The following SH2B2 variants were observed in gnomAD, a reference collection of about 807,000 sequenced individuals.
SH2B2 encodes the protein SH2B adapter protein 2.
Under a neutral mutation model 35.7 loss-of-function variants are expected in SH2B2, and 37 were observed. The observed-to-expected ratio is 1.04, with a 90% CI of 0.80 to 1.36. The LOEUF is 1.36. Among genes scored for constraint, SH2B2 ranks in the 40% most tolerant of loss-of-function variants. The pLI is 0.00. For synonymous variants in SH2B2, 383 were observed against 376.4 expected (o/e 1.02, Z -0.20); for missense variants, 852 against 817.7 (o/e 1.04, Z -0.51).
At position 102,297,854 on chromosome 7, in the gene SH2B2, A is replaced by G. The variant is rs1792984502; in HGVS notation, c.-29-2668A>G. On this transcript the variant is annotated intron_variant, in intron 1 of 8. Coordinates refer to ENST00000444095, the MANE Select transcript of SH2B2 (RefSeq NM_001359228.2). The surrounding 1 kb of genome is among the most constrained non-coding windows in gnomAD (Gnocchi z 4.3). ...TAAATATATGATATGACAGCCGGCAATAAGGATAATGGTGAAAATAGGCAG... is the reference window on the plus strand; with the variant it reads ...TAAATATATGATATGACAGCCGGCAGTAAGGATAATGGTGAAAATAGGCAG... 6.6e-6 allele frequency among the ~76,000 whole-genome samples: 1 copy of G among 152,200 alleles called. No homozygotes were observed. Among genetic ancestry groups the G allele is most frequent in the South Asian group, 2.1e-4 (1 of 4,828 alleles).
In SH2B2 at chr7:102,300,613, G is replaced by C. The variant is rs782550974; in HGVS notation, c.63G>C (p.Pro21=). The C allele has an allele frequency of 4.2e-5, 65 of 1,551,072 alleles. 2 individuals carry two copies. In the South Asian group the frequency reaches 7.1e-4, roughly 17 times the overall value. ...CGGTCCCAGTCCCGGTCCCGGTCCC[G>C]GACTGGCGGCAGTTCTGCGAGCTGC... ...AAPVPVPVPV[P]DWRQFCELHA... Residue 21 remains proline (P), a synonymous_variant, in exon 2 of 9, where the codon CCG becomes CCC. Coordinates refer to ENST00000444095, the MANE Select transcript of SH2B2 (RefSeq NM_001359228.2).
At chr7:102,301,351 A>G (rs1336574162) in intron 2 of SH2B2, 72 bp downstream of exon 2, 10 of 1,499,630 alleles carry the variant, frequency 6.7e-6, no homozygotes, top group Non-Finnish European at 8.0e-6. Flanking sequence ...TGAGGGTGCC[A>G]GGGACTGCCT....
At chr7:102,304,802 G>T (rs1387362520) in intron 2 of SH2B2, among the ~76,000 whole-genome samples, 1 of 152,224 alleles carries the variant, frequency 6.6e-6, no homozygotes. Context: ...GCCACACACC[G>T]GGGTTAGCCA....
chr7:102,308,573 G>A (rs1290445090), intron 3 of SH2B2, among the ~76,000 whole-genome samples: 1 of 152,236 alleles, frequency 6.6e-6, no homozygotes, highest in African/African-American at 2.4e-5. Flanking sequence ...AGATCAGTGG[G>A]GTGGGACATA....
chr7:102,316,747 A>G lies in SH2B2; in HGVS notation c.1187-440A>G, dbSNP rs557934219. ...AAAAATAAAAAATAAGGCTGGGCGC[A>G]ATGGCTTACACCTATAATCGCAGCA... On this transcript the variant is annotated intron_variant, in intron 6 of 8. Transcript: ENST00000444095. 7.9e-5 allele frequency among the ~76,000 whole-genome samples: 12 copies of G among 152,242 alleles called. No homozygotes were observed. The East Asian group carries it at 2.1e-3, about 27-fold the overall frequency.
chr7:102,286,458 G>A (rs1792448735), upstream of SH2B2, among the ~76,000 whole-genome samples: 3 of 152,138 alleles, frequency 2.0e-5, no homozygotes, highest in African/African-American at 7.2e-5. Flanking sequence ...CCATACACCC[G>A]CCACGCAGGA....
At chr7:102,320,301 G>A (rs371386728) in intron 7 of SH2B2, 30 bp from the exon 8 acceptor site, 281 of 1,587,570 alleles carry the variant, frequency 1.8e-4, no homozygotes, top group Non-Finnish European at 2.3e-4. Flanking sequence ...CCCCGGACCT[G>A]CCCCTGACCA....
chr7:102,319,834 G>A (rs782708657), intron 7 of SH2B2, among the ~76,000 whole-genome samples: 1 of 151,840 alleles, frequency 6.6e-6, no homozygotes, highest in African/African-American at 2.4e-5. Flanking sequence ...CACAGCGTGC[G>A]GTCACTCCTC....
intron 2 of SH2B2, among the ~76,000 whole-genome samples, chr7:102,302,157 A>G (rs1163781272): frequency 6.6e-6 from 1 of 152,226 alleles, no homozygotes; most frequent in Non-Finnish European, 1.5e-5. Context: ...CACTGTGCCC[A>G]GCCCAGGGCA....
chr7:102,308,908 T>C lies in SH2B2; in HGVS notation c.923+2T>C, dbSNP rs782754445. The C allele has an allele frequency of 6.2e-7, 1 of 1,612,458 alleles. No homozygotes were observed. The highest frequency in any genetic ancestry group is 8.5e-7 in the Non-Finnish European group (1 of 1,178,946). On this transcript the variant is annotated splice_donor_variant, in intron 4 of 8. Transcript: ENST00000444095. LOFTEE classifies it high-confidence loss of function. ...CATCCAGGGCTGCGTGGACCCCGGGTGAGTGTCCAAGTGGCCCGAAGATGG... is the reference window on the plus strand; with the variant it reads ...CATCCAGGGCTGCGTGGACCCCGGGCGAGTGTCCAAGTGGCCCGAAGATGG...
chr7:102,286,807 CTCGCGGCGGGGGCGGGGGCGGGG>C (rs1792468944), upstream of SH2B2: 1 of 79,826 alleles, frequency 1.3e-5, no homozygotes, highest in Admixed American at 1.2e-4. Context: ...GGGGCCGGGG[CTCGCGGCGGGGGCGGGGGCGGGG>C]CGGGGCCGGG....
At chr7:102,312,575 C>T (rs1402448328) in intron 4 of SH2B2, among the ~76,000 whole-genome samples, 1 of 152,198 alleles carries the variant, frequency 6.6e-6, no homozygotes, top group Non-Finnish European at 1.5e-5. Context: ...GGACAGAACC[C>T]TATCTTGAAT....
At chr7:102,301,364 G>C in intron 2 of SH2B2, 85 bp downstream of exon 2, 3 of 1,455,904 alleles carry the variant, frequency 2.1e-6, no homozygotes, top group Non-Finnish European at 2.7e-6. Flanking sequence ...GACTGCCTTT[G>C]GGGACCGCGT....
intron 1 of SH2B2, among the ~76,000 whole-genome samples, chr7:102,293,545 G>A (rs966775679): frequency 6.6e-6 from 1 of 151,634 alleles, no homozygotes. Flanking sequence ...AGGTGGGGGG[G>A]TGTAATGGAT....
intron 1 of SH2B2, among the ~76,000 whole-genome samples, chr7:102,295,467 A>C (rs1402318638): frequency 6.6e-6 from 1 of 152,042 alleles, no homozygotes; most frequent in East Asian, 1.9e-4. Flanking sequence ...TGGGCTCGTG[A>C]CCTTCCCTGG....
At position 102,286,951 on chromosome 7, in the gene SH2B2, C is replaced by G. The variant is rs1677575546; in HGVS notation, c.-173C>G. On this transcript the variant is annotated 5_prime_UTR_variant, in exon 1 of 9. Transcript: ENST00000444095. Reference sequence around the variant, plus strand: ...GGGGACGCGCCGGGACCGCGAGGAGCGCAGGAGCCTTCGAGGCGGTGAACG... The same window carrying G: ...GGGGACGCGCCGGGACCGCGAGGAGGGCAGGAGCCTTCGAGGCGGTGAACG... 6.7e-6 allele frequency: 1 copy of G among 149,238 alleles called. No individual in the cohort carries two copies. Among genetic ancestry groups the G allele is most frequent in the Admixed American group, 6.7e-5 (1 of 15,024 alleles). 9.2% of individuals were successfully genotyped at this position (149,238 alleles called of 1,614,324 possible).
At chr7:102,296,588 T>C (rs1792927622) in intron 1 of SH2B2, among the ~76,000 whole-genome samples, 1 of 152,238 alleles carries the variant, frequency 6.6e-6, no homozygotes, top group African/African-American at 2.4e-5. Flanking sequence ...GGTGATGGGC[T>C]GGGCCCAAGC....
chr7:102,300,059 A>T (rs1055475233), intron 1 of SH2B2, among the ~76,000 whole-genome samples: 1 of 152,220 alleles, frequency 6.6e-6, no homozygotes, highest in South Asian at 2.1e-4. Context: ...CTAGGACTAC[A>T]GGCGTGTGCC....
chr7:102,287,276 G>T (rs1006166412), intron 1 of SH2B2, among the ~76,000 whole-genome samples, 182 bp downstream of exon 1: 39 of 152,052 alleles, frequency 2.6e-4, no homozygotes, highest in Non-Finnish European at 4.0e-4. Context: ...CGAGGGAGGG[G>T]AGGCGCCCCC....
Sources: allele counts gnomAD v4.1 joint callset (sites outside exome capture counted in the v4.1 genomes callset), GRCh38; gene constraint gnomAD v4.1.1; non-coding constraint Gnocchi (gnomAD v3.1); transcripts MANE v1.5; gene names NCBI Gene and HGNC (gene_info 2026-07-23, HGNC 2026-07-21).